The following PTGER3 variants were observed in gnomAD, a reference collection of about 807,000 sequenced individuals.
PTGER3 encodes the protein prostaglandin E receptor 3.
PTGER3 carries 22 observed loss-of-function variants against 34.7 expected under a neutral mutation model. The ratio of observed to expected loss-of-function variants is 0.63; its 90% confidence interval spans 0.45 to 0.91. The LOEUF is 0.91. Among genes scored for constraint, PTGER3 ranks in the 40% least tolerant of loss-of-function variants. PTGER3 has a pLI of 0.00. For missense variants in PTGER3, 468 were observed against 519.4 expected (o/e 0.90, Z 0.96); for synonymous variants, 241 against 230.1 (o/e 1.05, Z -0.43).
intron 3 of PTGER3, among the ~76,000 whole-genome samples, chr1:70,973,930 G>C (rs1322028039): frequency 1.3e-5 from 2 of 152,072 alleles, no homozygotes; most frequent in Non-Finnish European, 2.9e-5. Context: ...CTAGCCATAT[G>C]AGCCATATGG....
intron 3 of PTGER3, among the ~76,000 whole-genome samples, chr1:70,973,013 A>C (rs1426916949): frequency 6.6e-6 from 1 of 152,094 alleles, no homozygotes; most frequent in Non-Finnish European, 1.5e-5. Flanking sequence ...AAATGGAGTT[A>C]GAGTGAACCT....
chr1:70,912,978 C>T (rs958773188), intron 4 of PTGER3, among the ~76,000 whole-genome samples: 40 of 152,030 alleles, frequency 2.6e-4, no homozygotes, highest in African/African-American at 9.4e-4. Context: ...ATCTTGGCTA[C>T]TCTAGCTTTT....
chr1:70,897,396 G>A (rs1316924826), intron 4 of PTGER3, among the ~76,000 whole-genome samples: 6 of 152,146 alleles, frequency 3.9e-5, no homozygotes, highest in Admixed American at 1.3e-4. Context: ...AAATGACTCT[G>A]TAACTACAAT....
chr1:70,899,697 A>G (rs1172473434), intron 4 of PTGER3, among the ~76,000 whole-genome samples: 1 of 151,986 alleles, frequency 6.6e-6, no homozygotes, highest in Non-Finnish European at 1.5e-5. Flanking sequence ...TAGTTGTGTG[A>G]AGGGTAAGTT....
intron 4 of PTGER3, among the ~76,000 whole-genome samples, chr1:70,861,131 A>C (rs944630356): frequency 1.3e-5 from 2 of 152,092 alleles, no homozygotes; most frequent in Non-Finnish European, 2.9e-5. Context: ...TCCAACCAGA[A>C]AGAACTGCAA....
chr1:71,035,751 C>T (rs1470536785), intron 1 of PTGER3, among the ~76,000 whole-genome samples: 2 of 152,236 alleles, frequency 1.3e-5, no homozygotes, highest in African/African-American at 2.4e-5. Context: ...CCCTAGCTGG[C>T]CTTGCAGGCA....
intron 2 of PTGER3, among the ~76,000 whole-genome samples, chr1:70,979,807 G>C (rs963121201): frequency 4.6e-5 from 7 of 151,982 alleles, no homozygotes; most frequent in Non-Finnish European, 8.8e-5. Flanking sequence ...TTCATCTTTT[G>C]GAGTTTTTAC....
intron 3 of PTGER3, among the ~76,000 whole-genome samples, chr1:70,972,515 T>C (rs1266970326): frequency 6.6e-6 from 1 of 151,954 alleles, no homozygotes; most frequent in Non-Finnish European, 1.5e-5. Flanking sequence ...TTCCATAAAT[T>C]CTCCTTATGG....
intron 4 of PTGER3, chr1:70,886,271 C>T (rs1365452865): frequency 2.2e-6 from 1 of 449,138 alleles, no homozygotes; most frequent in Non-Finnish European, 4.5e-6. Context: ...AAAAAGAGGG[C>T]ACTCACCAGA....
At chr1:71,001,351 C>T (rs992445857) in intron 2 of PTGER3, among the ~76,000 whole-genome samples, 2 of 152,024 alleles carry the variant, frequency 1.3e-5, no homozygotes, top group African/African-American at 4.8e-5. Context: ...CATCATTTAA[C>T]AATTAAAGGC....
intron 2 of PTGER3, among the ~76,000 whole-genome samples, chr1:70,981,467 G>A (rs540087682): frequency 6.7e-6 from 1 of 150,020 alleles, no homozygotes; most frequent in South Asian, 2.1e-4. Flanking sequence ...AGGCTGGAGC[G>A]CAGTGGCACA....
At chr1:70,952,631 C>T in exon 4 of PTGER3, 1 of 1,058,690 alleles carries the variant, frequency 9.4e-7, no homozygotes, top group Non-Finnish European at 1.1e-6. Context: ...GAAAAAATTT[C>T]TGTTGACTAA....
chr1:70,946,718 C>T (rs1251872477), intron 4 of PTGER3, among the ~76,000 whole-genome samples: 1 of 152,080 alleles, frequency 6.6e-6, no homozygotes. Flanking sequence ...GTTTGCCTAC[C>T]GGAACTTCTG....
downstream of PTGER3, among the ~76,000 whole-genome samples, chr1:70,966,131 T>A (rs1388906727): frequency 2.6e-5 from 4 of 152,218 alleles, no homozygotes; most frequent in Non-Finnish European, 5.9e-5. Flanking sequence ...GTAATACAAT[T>A]TATATTTTCT....
chr1:70,931,027 A>C (rs1300027782), intron 4 of PTGER3, among the ~76,000 whole-genome samples: 1 of 152,224 alleles, frequency 6.6e-6, no homozygotes, highest in Non-Finnish European at 1.5e-5. Flanking sequence ...AAGGCAAGCT[A>C]GTTACTTCCT....
At chr1:70,980,516 T>C (rs775284634) in intron 2 of PTGER3, among the ~76,000 whole-genome samples, 7 of 151,976 alleles carry the variant, frequency 4.6e-5, no homozygotes, top group Non-Finnish European at 8.8e-5. Flanking sequence ...GTAATCCCAG[T>C]GCTTTGGGAG....
intron 1 of PTGER3, among the ~76,000 whole-genome samples, chr1:71,022,453 C>T (rs1366198787): frequency 2.6e-5 from 4 of 151,894 alleles, no homozygotes; most frequent in African/African-American, 7.3e-5. Context: ...CTTCCTGTGA[C>T]ATAGTGGGTA....
intron 4 of PTGER3, among the ~76,000 whole-genome samples, chr1:70,899,820 G>A (rs1261393685): frequency 6.6e-6 from 1 of 152,072 alleles, no homozygotes; most frequent in Non-Finnish European, 1.5e-5. Context: ...GCCTGGTGAA[G>A]AGATTAGGAG....
At chr1:70,855,538 C>A (rs149254288) in intron 4 of PTGER3, among the ~76,000 whole-genome samples, 1 of 151,716 alleles carries the variant, frequency 6.6e-6, no homozygotes, top group South Asian at 2.1e-4. Flanking sequence ...GTTCTGTGAA[C>A]GCGACAAAAT....
Sources: allele counts gnomAD v4.1 joint callset (sites outside exome capture counted in the v4.1 genomes callset), GRCh38; gene constraint gnomAD v4.1.1; transcripts MANE v1.5; gene names NCBI Gene and HGNC (gene_info 2026-07-23, HGNC 2026-07-21).